The following XPO6 variants were observed in gnomAD, a reference collection of about 807,000 sequenced individuals.
XPO6 encodes the protein exportin-6.
Under a neutral mutation model 130.0 loss-of-function variants are expected in XPO6, and 3 were observed. The observed-to-expected ratio is 0.02, with a 90% CI of 0.01 to 0.06. The LOEUF (loss-of-function observed/expected upper bound fraction) is 0.06. Among genes scored for constraint, XPO6 ranks in the 10% least tolerant of loss-of-function variants. The pLI is 1.00. For missense variants in XPO6, 970 were observed against 1,393.0 expected (o/e 0.70, Z 4.83); for synonymous variants, 524 against 548.9 (o/e 0.95, Z 0.63).
In XPO6 at chr16:28,111,998, C is replaced by T. The variant is rs1596794543; in HGVS notation, c.2160G>A (p.Val720=). The T allele has an allele frequency of 6.2e-7, 1 of 1,611,436 alleles. No homozygotes were observed. Residue 720 remains valine (V), a synonymous_variant, in exon 17 of 24, where the codon GTG becomes GTA. Coordinates refer to ENST00000304658, the MANE Select transcript of XPO6 (RefSeq NM_015171.4). ...TGTTAGAGAGGGCTCGGCACACCAA[C>T]ACCTGGGCCTACAAGAGACCCCAAA... The part of the protein sequence containing the change: ...SALRLVDKAQ[V]LVCRALSNIL...
Position 28,101,415 on chromosome 16 carries a change from C to T in XPO6, c.3276+43G>A, listed in dbSNP as rs2086653922. Reference sequence around the variant, plus strand: ...GCTGCACAGGTGCCAGGCTTGCGTGCCCACTCTGCCCTCCTCTTAGCCCGG... The same window carrying T: ...GCTGCACAGGTGCCAGGCTTGCGTGTCCACTCTGCCCTCCTCTTAGCCCGG... On this transcript the variant is annotated intron_variant, in intron 23 of 23. Coordinates refer to ENST00000304658, the MANE Select transcript of XPO6 (RefSeq NM_015171.4). The surrounding 1 kb of genome is among the most constrained non-coding windows in gnomAD (Gnocchi z 5.4). 6.4e-7 allele frequency: 1 copy of T among 1,565,770 alleles called. No homozygotes were observed. Among genetic ancestry groups the T allele is most frequent in the African/African-American group, 1.4e-5 (1 of 73,892 alleles).
intron 1 of XPO6, 178 bp from the exon 2 acceptor site, chr16:28,181,209 C>T (rs760497988): frequency 8.9e-5 from 44 of 496,584 alleles, no homozygotes; most frequent in Non-Finnish European, 1.5e-4. Flanking sequence ...CCAGCTGGCT[C>T]AAAACCCAAC....
rs935287977 is a variant in XPO6, at chr16:28,169,817, C to T, written c.498G>A (p.Val166=). The T allele has an allele frequency of 1.2e-6, 2 of 1,614,186 alleles. No homozygotes were observed. The highest frequency in any genetic ancestry group is 4.5e-5 in the East Asian group (2 of 44,872). ...ELACPREDLS[V]ARKEELRKLL... Reference sequence around the variant, plus strand: ...GCTTCCGCAACTCCTCCTTCCGAGCCACACTGAGGTCCTCACGGGGACAAG... The same window carrying T: ...GCTTCCGCAACTCCTCCTTCCGAGCTACACTGAGGTCCTCACGGGGACAAG... The change falls in exon 5 of 24, where the codon GTG becomes GTA. Residue 166 remains valine (V), a synonymous_variant. Transcript: ENST00000304658.
intron 8 of XPO6, among the ~76,000 whole-genome samples, chr16:28,150,758 A>T (rs2043071471): frequency 6.6e-6 from 1 of 152,058 alleles, no homozygotes; most frequent in Non-Finnish European, 1.5e-5. Flanking sequence ...CATTTCTGTT[A>T]CGCTATTTAA....
Position 28,112,005 on chromosome 16 carries a change from G to C in XPO6, c.2153C>G (p.Ala718Gly). ...DASALRLVDK[A>G]QVLVCRALSN... The stretch of plus-strand genomic sequence containing the variant: ...GAGGGCTCGGCACACCAACACCTGG[G>C]CCTACAAGAGACCCCAAAGGCATCC... The change falls in exon 17 of 24, where the codon GCC becomes GGC. Residue 718 changes from alanine (A) to glycine (G), a missense_variant and splice_region_variant. Physicochemically the swap from Ala to Gly is moderately conservative, Grantham distance 60. Transcript: ENST00000304658. The C allele has an allele frequency of 6.2e-7, 1 of 1,609,430 alleles. No homozygotes were observed. The highest frequency in any genetic ancestry group is 8.5e-7 in the Non-Finnish European group (1 of 1,177,706).
In XPO6 at chr16:28,169,786, G is replaced by A; in HGVS notation, c.529C>T (p.Leu177=). ...CCAAGCACTGTCTGCACCTGGTCCA[G>A]TAGCAGCTTCCGCAACTCCTCCTTC... The part of the protein sequence containing the change: ...ARKEELRKLL[L]DQVQTVLGLL... The change falls in exon 5 of 24, where the codon CTG becomes TTG. Residue 177 remains leucine, a synonymous_variant. Coordinates refer to ENST00000304658, the MANE Select transcript of XPO6 (RefSeq NM_015171.4). 1 of 1,614,078 alleles carries A rather than the reference G, an allele frequency of 6.2e-7. No homozygotes were observed. Among genetic ancestry groups the A allele is most frequent in the South Asian group, 1.1e-5 (1 of 91,082 alleles).
At chr16:28,114,376 C>T (rs1172239368) in intron 15 of XPO6, among the ~76,000 whole-genome samples, 4 of 152,112 alleles carry the variant, frequency 2.6e-5, no homozygotes, top group Non-Finnish European at 2.9e-5. Flanking sequence ...TACAGGCATA[C>T]CTCAGAGATA....
intron 6 of XPO6, among the ~76,000 whole-genome samples, chr16:28,157,756 G>A (rs986321980): frequency 1.3e-5 from 2 of 152,182 alleles, no homozygotes; most frequent in African/African-American, 4.8e-5. Context: ...AAAAAATGTT[G>A]GCAAATGCCA....
At chr16:28,099,124 G>T (rs2141221884) in intron 23 of XPO6, among the ~76,000 whole-genome samples, 1 of 152,214 alleles carries the variant, frequency 6.6e-6, no homozygotes, top group East Asian at 2.0e-4. Context: ...AATGTCTGCA[G>T]AACCTTTACC....
intron 21 of XPO6, among the ~76,000 whole-genome samples, chr16:28,102,600 T>C (rs985310132): frequency 6.6e-6 from 1 of 152,042 alleles, no homozygotes; most frequent in Non-Finnish European, 1.5e-5. Flanking sequence ...TAGCCAGGCG[T>C]GGTGGCGGAC....
chr16:28,151,626 T>C (rs935520660), intron 8 of XPO6, among the ~76,000 whole-genome samples: 1 of 152,226 alleles, frequency 6.6e-6, no homozygotes, highest in African/African-American at 2.4e-5. Context: ...ACTTCTTGAC[T>C]TAGGTGATGG....
intron 2 of XPO6, 40 bp downstream of exon 2, chr16:28,180,901 T>G (rs1421830896): frequency 6.4e-7 from 1 of 1,552,072 alleles, no homozygotes; most frequent in Non-Finnish European, 8.8e-7. Flanking sequence ...CAGGGCCTCC[T>G]CATTATAAAT....
At chr16:28,103,779 ATG>A (rs3216910) in intron 21 of XPO6, among the ~76,000 whole-genome samples, 13 of 152,250 alleles carry the variant, frequency 8.5e-5, no homozygotes, top group African/African-American at 1.4e-4. Flanking sequence ...AAGAGTCAGT[ATG>A]TGTGTGTGTG....
intron 15 of XPO6, among the ~76,000 whole-genome samples, chr16:28,113,488 C>T (rs1489294696): frequency 6.6e-6 from 1 of 152,238 alleles, no homozygotes; most frequent in East Asian, 1.9e-4. Flanking sequence ...GCTTTCCCTT[C>T]AGCATGCCTA....
At chr16:28,121,451 T>A (rs977180286) in intron 14 of XPO6, among the ~76,000 whole-genome samples, 5 of 152,178 alleles carry the variant, frequency 3.3e-5, no homozygotes, top group African/African-American at 1.2e-4. Context: ...CTCCATAGAA[T>A]CTCCATCCCA....
Position 28,101,566 on chromosome 16 carries a change from G to A in XPO6, c.3168C>T (p.Val1056=), listed in dbSNP as rs1306504448. 8 of 1,614,106 alleles carry A rather than the reference G, an allele frequency of 5.0e-6. No homozygotes were observed. In the East Asian group the frequency reaches 6.7e-5, roughly 13 times the overall value. The change falls in exon 23 of 24, where the codon GTC becomes GTT. Residue 1056 remains valine, a synonymous_variant. Coordinates refer to ENST00000304658, the MANE Select transcript of XPO6 (RefSeq NM_015171.4). The surrounding 1 kb of genome is among the most constrained non-coding windows in gnomAD (Gnocchi z 5.4). ...IGIAIYNMAS[V]DFDGFFAAFL... ...AGGCGGCAAAGAAGCCATCAAAGTCGACTGAGGCCATGTTGTAGATGGCGA... is the reference window on the plus strand; with the variant it reads ...AGGCGGCAAAGAAGCCATCAAAGTCAACTGAGGCCATGTTGTAGATGGCGA...
intron 9 of XPO6, among the ~76,000 whole-genome samples, chr16:28,140,062 T>C (rs1263074420): frequency 6.6e-6 from 1 of 151,798 alleles, no homozygotes; most frequent in Non-Finnish European, 1.5e-5. Flanking sequence ...CAAAACCCTG[T>C]CTCTACTAAA....
At chr16:28,127,588 A>G (rs1022003017) in intron 12 of XPO6, among the ~76,000 whole-genome samples, 1 of 152,216 alleles carries the variant, frequency 6.6e-6, no homozygotes, top group Non-Finnish European at 1.5e-5. Flanking sequence ...TATTACTGAC[A>G]GTAAACACGG....
At chr16:28,206,035 CAAAAAA>C (rs1251090416) in intron 1 of XPO6, among the ~76,000 whole-genome samples, 2 of 92,698 alleles carry the variant, frequency 2.2e-5, no homozygotes, top group African/African-American at 9.7e-5. Context: ...AAGACTGTCT[CAAAAAA>C]AAAAAAAAAA....
Sources: gnomAD v4.1 joint callset for allele counts (sites outside exome capture counted in the v4.1 genomes callset) on GRCh38, gnomAD v4.1.1 for gene constraint, Gnocchi (gnomAD v3.1) non-coding constraint, MANE v1.5 for transcripts, NCBI Gene and HGNC (gene_info 2026-07-23, HGNC 2026-07-21) for gene names.